Variants in ABTB3 observed in about 807,000 individuals in gnomAD.
ABTB3 encodes ankyrin repeat- and BTB/POZ domain-containing protein 3.
the ABTB3 span, among the ~76,000 whole-genome samples, chr12:107,657,089 G>T: frequency 6.6e-6 from 1 of 152,276 alleles, no homozygotes; most frequent in African/African-American, 2.4e-5. Context: ...ATCTCTTCCA[G>T]CTCCAGGATT....
the ABTB3 span, among the ~76,000 whole-genome samples, chr12:107,428,372 C>G: frequency 5.4e-4 from 82 of 152,154 alleles, no homozygotes; most frequent in African/African-American, 1.9e-3. Flanking sequence ...CCTTGGATGT[C>G]CTGCCCTGGA....
the ABTB3 span, among the ~76,000 whole-genome samples, chr12:107,325,834 G>C: frequency 6.6e-6 from 1 of 152,156 alleles, no homozygotes; most frequent in Non-Finnish European, 1.5e-5. Flanking sequence ...AGCTCTACTT[G>C]TATAGCTTAT....
At chr12:107,421,640 A>G in the ABTB3 span, among the ~76,000 whole-genome samples, 1 of 152,206 alleles carries the variant, frequency 6.6e-6, no homozygotes, top group Non-Finnish European at 1.5e-5. Flanking sequence ...ACAGGGGTCC[A>G]CTTTATTTCT....
the ABTB3 span, among the ~76,000 whole-genome samples, chr12:107,635,946 G>A: frequency 6.8e-6 from 1 of 146,776 alleles, no homozygotes; most frequent in East Asian, 2.0e-4. Context: ...GAGGCTGGAT[G>A]CTTATAAGTC....
At chr12:107,350,083 C>CT in the ABTB3 span, among the ~76,000 whole-genome samples, 3 of 152,222 alleles carry the variant, frequency 2.0e-5, no homozygotes, top group Non-Finnish European at 4.4e-5. Flanking sequence ...AGGCTGAACT[C>CT]TGTTTCCTTC....
chr12:107,475,244 G>T, the ABTB3 span, among the ~76,000 whole-genome samples: 3 of 152,174 alleles, frequency 2.0e-5, no homozygotes, highest in African/African-American at 7.2e-5. Context: ...ATGCTCATGG[G>T]TTCGTGGCAG....
the ABTB3 span, among the ~76,000 whole-genome samples, chr12:107,577,480 T>C: frequency 4.6e-5 from 7 of 152,002 alleles, no homozygotes; most frequent in African/African-American, 1.7e-4. Context: ...CATCACCAGC[T>C]CTCTCTTCAC....
At chr12:107,639,971 T>C in the ABTB3 span, among the ~76,000 whole-genome samples, 3 of 152,138 alleles carry the variant, frequency 2.0e-5, no homozygotes, top group East Asian at 3.9e-4. Flanking sequence ...ACCACTTCCA[T>C]TGGGCAGGGA....
the ABTB3 span, among the ~76,000 whole-genome samples, chr12:107,596,663 T>G: frequency 2.0e-5 from 3 of 152,108 alleles, no homozygotes; most frequent in Non-Finnish European, 4.4e-5. Flanking sequence ...AAACACCGTA[T>G]TGGCACAGAG....
chr12:107,452,985 G>T, the ABTB3 span, among the ~76,000 whole-genome samples: 1 of 152,218 alleles, frequency 6.6e-6, no homozygotes, highest in Non-Finnish European at 1.5e-5. Context: ...CCTTTTGACA[G>T]GGTGGTCAGG....
At chr12:107,439,471 G>A in the ABTB3 span, among the ~76,000 whole-genome samples, 1 of 152,092 alleles carries the variant, frequency 6.6e-6, no homozygotes, top group African/African-American at 2.4e-5. Context: ...CTGTGTGGAT[G>A]CCGAGCCCAT....
the ABTB3 span, among the ~76,000 whole-genome samples, chr12:107,393,772 C>T: frequency 0.42 from 64,352 of 151,646 alleles, 14,215 homozygotes; most frequent in East Asian, 0.7. Flanking sequence ...CTACAAAAAA[C>T]ACAAAAAATT....
chr12:107,470,298 C>A, the ABTB3 span, among the ~76,000 whole-genome samples: 17 of 152,092 alleles, frequency 1.1e-4, no homozygotes, highest in Admixed American at 8.5e-4. Flanking sequence ...CTTACCCTCT[C>A]AAAGTACTAG....
chr12:107,350,663 A>G, the ABTB3 span, among the ~76,000 whole-genome samples: 3 of 152,154 alleles, frequency 2.0e-5, no homozygotes, highest in Non-Finnish European at 2.9e-5. Context: ...CACACTAAAA[A>G]ATTTCCAAAG....
At chr12:107,618,148 T>A in the ABTB3 span, 1 of 1,612,966 alleles carries the variant, frequency 6.2e-7, no homozygotes, top group Non-Finnish European at 8.5e-7. Flanking sequence ...TCTGGGTTTA[T>A]GATTGACAGG....
At chr12:107,393,154 G>T in the ABTB3 span, among the ~76,000 whole-genome samples, 1 of 152,162 alleles carries the variant, frequency 6.6e-6, no homozygotes, top group Non-Finnish European at 1.5e-5. Flanking sequence ...AGGGGCCTTG[G>T]GGGTGATCAG....
the ABTB3 span, among the ~76,000 whole-genome samples, chr12:107,437,170 G>A: frequency 2.0e-5 from 3 of 152,154 alleles, no homozygotes; most frequent in South Asian, 2.1e-4. Context: ...CACAAACTCA[G>A]TGGCTTAAAA....
the ABTB3 span, among the ~76,000 whole-genome samples, chr12:107,549,617 T>C: frequency 1.3e-5 from 2 of 152,196 alleles, no homozygotes; most frequent in Non-Finnish European, 2.9e-5. Context: ...GGGTAGAAGA[T>C]TAACAAATCT....
chr12:107,378,291 C>T, the ABTB3 span, among the ~76,000 whole-genome samples: 6 of 151,972 alleles, frequency 3.9e-5, no homozygotes, highest in Non-Finnish European at 8.8e-5. Context: ...CTGGCATCTT[C>T]CCTGCTCATC....
Sources: gnomAD v4.1 joint callset for allele counts (sites outside exome capture counted in the v4.1 genomes callset) on GRCh38, gnomAD v4.1.1 for gene constraint, MANE v1.5 for transcripts, NCBI Gene and HGNC (gene_info 2026-07-23, HGNC 2026-07-21) for gene names.